The following EML6 variants were observed in gnomAD, a reference collection of about 807,000 sequenced individuals.
The protein encoded by EML6 is EMAP like 6, also known as echinoderm microtubule-associated protein-like 6.
EML6 carries 154 observed loss-of-function variants against 240.1 expected under a neutral mutation model. The observed-to-expected ratio is 0.64, with a 90% CI of 0.56 to 0.73. The LOEUF (loss-of-function observed/expected upper bound fraction) is 0.73. Among genes scored for constraint, EML6 ranks in the 30% least tolerant of loss-of-function variants. The pLI is 0.00. For missense variants in EML6, 2,964 were observed against 2,474.6 expected, an observed-to-expected ratio of 1.20 and a Z score of -4.20; for synonymous variants, 1,148 against 899.0, an observed-to-expected ratio of 1.28 and a Z score of -4.95.
At chr2:54,784,173 T>C (rs1668975634) in intron 2 of EML6, among the ~76,000 whole-genome samples, 1 of 152,166 alleles carries the variant, frequency 6.6e-6, no homozygotes, top group South Asian at 2.1e-4. Context: ...CTCAAACTCT[T>C]GGGCTCAAAT....
chr2:54,814,027 A>G (rs559692627), intron 3 of EML6, among the ~76,000 whole-genome samples: 13 of 152,286 alleles, frequency 8.5e-5, no homozygotes, highest in Non-Finnish European at 1.6e-4. Context: ...CTCACAGGCA[A>G]TTTCTTGCTA....
Position 54,879,597 on chromosome 2 carries a change from G to A in EML6, c.2395G>A (p.Val799Ile). 1 of 1,552,060 alleles carries A rather than the reference G, an allele frequency of 6.4e-7. No homozygotes were observed. Among genetic ancestry groups the A allele is most frequent in the Non-Finnish European group, 8.7e-7 (1 of 1,146,970 alleles). The change falls in exon 17 of 42, where the codon GTA (valine) becomes ATA (isoleucine). Residue 799 changes from valine (V) to isoleucine (I), a missense_variant. Transcript: ENST00000356458. ...TGGTTTAGACGATTTTCACAGTATT[G>A]TATTTTGGGACTGGAAAAAGGGAGA... ...SVGLDDFHSI[V>I]FWDWKKGEKI...
At chr2:54,925,694 A>G (rs987602143) in intron 26 of EML6, among the ~76,000 whole-genome samples, 2 of 152,144 alleles carry the variant, frequency 1.3e-5, no homozygotes, top group Non-Finnish European at 2.9e-5. Context: ...CATGAGACAT[A>G]CCCTATCCTT....
At chr2:54,908,547 T>A (rs572356849) in intron 24 of EML6, among the ~76,000 whole-genome samples, 36 of 152,262 alleles carry the variant, frequency 2.4e-4, no homozygotes, top group African/African-American at 7.0e-4. Context: ...AGTTTAGCAA[T>A]GAACTAGAAA....
At chr2:54,848,914 T>C (rs979440941) in intron 9 of EML6, among the ~76,000 whole-genome samples, 8 of 152,210 alleles carry the variant, frequency 5.3e-5, no homozygotes, top group African/African-American at 1.4e-4. Flanking sequence ...TTCAGCTGCT[T>C]TTTTGACTTG....
At chr2:54,766,329 G>A (rs752236187) in intron 2 of EML6, among the ~76,000 whole-genome samples, 2 of 152,140 alleles carry the variant, frequency 1.3e-5, no homozygotes, top group Non-Finnish European at 2.9e-5. Context: ...AGTCTGTTTT[G>A]TCTTCTTTGA....
At chr2:54,951,097 G>A (rs990764739) in intron 30 of EML6, among the ~76,000 whole-genome samples, 6 of 152,132 alleles carry the variant, frequency 3.9e-5, no homozygotes, top group Non-Finnish European at 7.4e-5. Flanking sequence ...GAAATTCCTT[G>A]GAGACCATAA....
chr2:54,964,788 C>T lies in EML6; in HGVS notation c.5493+55C>T. 8 of 1,504,728 alleles carry T rather than the reference C, an allele frequency of 5.3e-6. No homozygotes were observed. The South Asian group carries it at 6.2e-5, about 12-fold the overall frequency. The allele number at this position is 1,504,728 out of a possible 1,614,324, so 93.2% of individuals were successfully genotyped here. A position where few individuals can be genotyped will look rare whatever the true frequency, so the allele number is the denominator to read the frequency against. On this transcript the variant is annotated intron_variant, in intron 38 of 41. Coordinates refer to ENST00000356458, the MANE Select transcript of EML6 (RefSeq NM_001039753.4). ...CAACCAATAATAACAGCAGTAATAA[C>T]AATGGCCTATATTAATCGAGTCCTT...
At chr2:54,847,891 A>C (rs551948863) in intron 9 of EML6, among the ~76,000 whole-genome samples, 8 of 152,338 alleles carry the variant, frequency 5.3e-5, no homozygotes, top group African/African-American at 1.9e-4. Flanking sequence ...AGAAATAATC[A>C]TGTGTCATGT....
intron 25 of EML6, among the ~76,000 whole-genome samples, chr2:54,913,135 G>A (rs1041791453): frequency 7.2e-6 from 1 of 139,082 alleles, no homozygotes; most frequent in Non-Finnish European, 1.5e-5. Context: ...ACAGCATCTT[G>A]TGGTTTTGAT....
chr2:54,816,674 G>T, intron 3 of EML6, 113 bp from the exon 4 acceptor site: 2 of 786,680 alleles, frequency 2.5e-6, no homozygotes, highest in Non-Finnish European at 2.1e-6. Context: ...TTGAGAAATC[G>T]GTTTGTTATA....
chr2:54,725,094 C>G lies in EML6; in HGVS notation c.33C>G (p.Leu11=), dbSNP rs1328034108. ...ATCGGACGGCGCCCCGCTGCCAGCT[C>G]CGGCTGGAGTGGGTGTACGGGTACC... The part of the protein sequence containing the change: MADRTAPRCQ[L]RLEWVYGYRG... The change falls in exon 2 of 42, where the codon CTC becomes CTG. Residue 11 remains leucine, a synonymous_variant. Transcript: ENST00000356458. This position sits in a 1 kb window ranked among gnomAD's most constrained non-coding sequence, Gnocchi z 4.3. 6 of 1,530,932 alleles carry G rather than the reference C, an allele frequency of 3.9e-6. No homozygotes were observed. The highest frequency in any genetic ancestry group is 2.7e-5 in the East Asian group (1 of 37,374). 94.8% of individuals were successfully genotyped at this position (1,530,932 alleles called of 1,614,324 possible).
At chr2:54,881,978 C>G (rs1482333132) in intron 17 of EML6, 1 of 152,276 alleles carries the variant, frequency 6.6e-6, no homozygotes, top group East Asian at 1.9e-4. Flanking sequence ...GTGGCATCGT[C>G]AGCTGTGCTG....
rs542244877 is a variant in EML6 at position 54,790,877 on chromosome 2, C to T, written c.198-22355C>T. On this transcript the variant is annotated intron_variant, in intron 2 of 41. Coordinates refer to ENST00000356458, the MANE Select transcript of EML6 (RefSeq NM_001039753.4). ...AGTAGCTGGGACTACAGGCGCCTGC[C>T]ACCGCGCCCAGCTAATTTTTTGTAT... 3.2e-4 allele frequency among the ~76,000 whole-genome samples: 48 copies of T among 152,054 alleles called. 1 individual carries two copies. The highest frequency in any genetic ancestry group is 2.9e-3 in the East Asian group (15 of 5,162).
chr2:54,741,887 A>C (rs973663168), intron 2 of EML6, among the ~76,000 whole-genome samples: 24 of 152,218 alleles, frequency 1.6e-4, no homozygotes, highest in African/African-American at 5.8e-4. Context: ...GGAATGATGG[A>C]GTTAGAAAAC....
At chr2:54,733,233 A>G (rs913381011) in intron 2 of EML6, among the ~76,000 whole-genome samples, 2 of 152,196 alleles carry the variant, frequency 1.3e-5, no homozygotes, top group Non-Finnish European at 2.9e-5. Flanking sequence ...GAATTTTTCT[A>G]AGGCTATGGA....
At chr2:54,910,896 A>C (rs975515625) in intron 24 of EML6, 58 bp from the exon 25 acceptor site, 2 of 847,270 alleles carry the variant, frequency 2.4e-6, no homozygotes, top group African/African-American at 1.7e-5. Context: ...TTCTCATTTT[A>C]TAATAAAGAG....
At position 54,971,943 on chromosome 2, in the gene EML6, TG is replaced by T. The variant is rs1219715847; in HGVS notation, c.*1850del. 2 of 152,358 alleles carry T rather than the reference TG, an allele frequency of 1.3e-5. No homozygotes were observed. The highest frequency in any genetic ancestry group is 4.8e-5 in the African/African-American group (2 of 41,582). 9.4% of individuals were successfully genotyped at this position (152,358 alleles called of 1,614,324 possible). A position where few individuals can be genotyped will look rare whatever the true frequency, so the allele number is the denominator to read the frequency against. On this transcript the variant is annotated 3_prime_UTR_variant, in exon 42 of 42. Coordinates refer to ENST00000356458, the MANE Select transcript of EML6 (RefSeq NM_001039753.4). ...GTATGATATATGTGAGTTAAAACAT[TG>T]GTGCATGAATTTATTTTCAAAGTAT...
chr2:54,928,388 T>A lies in EML6; in HGVS notation c.3751T>A (p.Ser1251Thr). Residue 1251 changes from serine (S) to threonine (T), a missense_variant, in exon 27 of 42, where the codon TCT becomes ACT. Transcript: ENST00000356458. ...TAACGTGAGGTGGCTGCACAATGAC[T>A]CTGTGCTGCTCACGGTGGGCGGCGC... ...VTNVRWLHND[S>T]VLLTVGGADT... 1 of 1,551,478 alleles carries A rather than the reference T, an allele frequency of 6.4e-7. No individual in the cohort carries two copies. The highest frequency in any genetic ancestry group is 8.7e-7 in the Non-Finnish European group (1 of 1,146,826).
Sources: allele counts gnomAD v4.1 joint callset (sites outside exome capture counted in the v4.1 genomes callset), GRCh38; gene constraint gnomAD v4.1.1; non-coding constraint Gnocchi (gnomAD v3.1); transcripts MANE v1.5; gene names NCBI Gene and HGNC (gene_info 2026-07-23, HGNC 2026-07-21).